The following SLC14A2 variants were observed in gnomAD, a reference collection of about 807,000 sequenced individuals.
The protein encoded by SLC14A2 is solute carrier family 14 member 2, also known as urea transporter 2.
Under a neutral mutation model 104.6 loss-of-function variants are expected in SLC14A2, and 91 were observed. The ratio of observed to expected loss-of-function variants is 0.87; its 90% CI spans 0.73 to 1.04. The LOEUF (loss-of-function observed/expected upper bound fraction) is 1.04, where lower values mean the gene tolerates loss of function less well. Among genes scored for constraint, SLC14A2 ranks in the 50% least tolerant of loss-of-function variants. The pLI is 0.00. For missense variants in SLC14A2, 1,189 were observed against 1,156.0 expected (o/e 1.03, Z -0.41); for synonymous variants, 476 against 466.4 (o/e 1.02, Z -0.27).
chr18:45,406,622 C>G (rs775767589), intron 1 of SLC14A2, among the ~76,000 whole-genome samples: 4 of 152,102 alleles, frequency 2.6e-5, no homozygotes, highest in Non-Finnish European at 4.4e-5. Context: ...ATAGCTTTAC[C>G]AAACATATTT....
At chr18:45,471,915 A>C (rs1490884746) in intron 1 of SLC14A2, among the ~76,000 whole-genome samples, 1 of 151,996 alleles carries the variant, frequency 6.6e-6, no homozygotes, top group Non-Finnish European at 1.5e-5. Context: ...TCTGGGGTAC[A>C]TGTGCAGAAT....
At chr18:45,369,911 G>A (rs1016359706) in intron 1 of SLC14A2, among the ~76,000 whole-genome samples, 3 of 152,162 alleles carry the variant, frequency 2.0e-5, no homozygotes, top group Non-Finnish European at 2.9e-5. Flanking sequence ...GTTTCCCAGG[G>A]AAGTTATAGG....
intron 1 of SLC14A2, among the ~76,000 whole-genome samples, chr18:45,434,398 A>C (rs959611387): frequency 6.6e-6 from 1 of 152,166 alleles, no homozygotes; most frequent in Non-Finnish European, 1.5e-5. Flanking sequence ...AAGCTGTAAG[A>C]CCTATTTTAT....
intron 1 of SLC14A2, among the ~76,000 whole-genome samples, chr18:45,421,749 A>G (rs909218545): frequency 6.6e-5 from 10 of 152,190 alleles, no homozygotes; most frequent in African/African-American, 1.9e-4. Context: ...AGGATGACCT[A>G]CACGACCTCT....
intron 2 of SLC14A2, among the ~76,000 whole-genome samples, chr18:45,520,918 G>A (rs1392112290): frequency 6.6e-6 from 1 of 152,196 alleles, no homozygotes; most frequent in Non-Finnish European, 1.5e-5. Flanking sequence ...GTCTGCACAG[G>A]TGACAGGGCC....
chr18:45,190,444 CTGAA>C, the SLC14A2 span, among the ~76,000 whole-genome samples: 1 of 152,126 alleles, frequency 6.6e-6, no homozygotes, highest in Non-Finnish European at 1.5e-5. Flanking sequence ...TCATCCTAGG[CTGAA>C]TGAAATAGAG....
chr18:45,417,185 A>G (rs1054305489), intron 1 of SLC14A2, among the ~76,000 whole-genome samples: 6 of 152,234 alleles, frequency 3.9e-5, no homozygotes, highest in African/African-American at 1.4e-4. Flanking sequence ...ACAAAATTCT[A>G]CTAGGGATAA....
At chr18:45,584,965 T>C (rs976176894) in intron 2 of SLC14A2, among the ~76,000 whole-genome samples, 3 of 152,202 alleles carry the variant, frequency 2.0e-5, no homozygotes, top group Non-Finnish European at 4.4e-5. Context: ...CCATCAAAAA[T>C]AGTCTGTGGG....
At chr18:45,349,130 T>C (rs2085477898) in intron 1 of SLC14A2, among the ~76,000 whole-genome samples, 1 of 152,226 alleles carries the variant, frequency 6.6e-6, no homozygotes, top group Non-Finnish European at 1.5e-5. Context: ...TTCGCTTTCT[T>C]GTTCATAAAG....
chr18:45,468,169 G>C (rs1211323306), intron 1 of SLC14A2, among the ~76,000 whole-genome samples: 2 of 152,048 alleles, frequency 1.3e-5, no homozygotes, highest in Non-Finnish European at 2.9e-5. Context: ...AATTTGAAAG[G>C]ATGCAGGAGG....
At chr18:45,600,903 G>C (rs1471005982) in intron 2 of SLC14A2, among the ~76,000 whole-genome samples, 1 of 152,232 alleles carries the variant, frequency 6.6e-6, no homozygotes, top group African/African-American at 2.4e-5. Context: ...AATTGCACTT[G>C]TTGCAGGTCC....
intron 1 of SLC14A2, among the ~76,000 whole-genome samples, chr18:45,223,568 A>G (rs932891450): frequency 1.3e-5 from 2 of 152,222 alleles, no homozygotes; most frequent in African/African-American, 2.4e-5. Context: ...GTTAGTTTTC[A>G]TGATGTGTGT....
chr18:45,326,849 T>A (rs750200316), intron 1 of SLC14A2, among the ~76,000 whole-genome samples: 40 of 152,168 alleles, frequency 2.6e-4, no homozygotes, highest in Non-Finnish European at 5.6e-4. Context: ...TAGACTGTAT[T>A]TTTTAGTCTA....
intron 1 of SLC14A2, among the ~76,000 whole-genome samples, chr18:45,399,203 G>A (rs1239385546): frequency 6.6e-6 from 1 of 152,186 alleles, no homozygotes; most frequent in African/African-American, 2.4e-5. Flanking sequence ...TTTGAACCCA[G>A]GCAGTCTGGC....
intron 2 of SLC14A2, chr18:45,528,224 A>G (rs935753185): frequency 6.6e-5 from 10 of 151,014 alleles, no homozygotes; most frequent in African/African-American, 2.0e-4. Context: ...TTTCAAAAAC[A>G]TATCAGAAAT....
the SLC14A2 span, among the ~76,000 whole-genome samples, chr18:45,201,215 A>T: frequency 1.3e-5 from 2 of 152,030 alleles, no homozygotes; most frequent in Admixed American, 1.3e-4. Context: ...TGTCTGAGGT[A>T]GTGTTAGTCA....
At chr18:45,605,840 C>T (rs2044858897) in intron 2 of SLC14A2, among the ~76,000 whole-genome samples, 1 of 152,116 alleles carries the variant, frequency 6.6e-6, no homozygotes, top group Non-Finnish European at 1.5e-5. Flanking sequence ...GAACAGCAGC[C>T]TGCAGTCTCC....
intron 1 of SLC14A2, among the ~76,000 whole-genome samples, chr18:45,319,199 C>A (rs2085161006): frequency 6.6e-6 from 1 of 152,170 alleles, no homozygotes; most frequent in Admixed American, 6.5e-5. Flanking sequence ...TGAGGCTCAG[C>A]TCGAAGACAG....
chr18:45,496,162 C>T (rs748920199), intron 2 of SLC14A2, among the ~76,000 whole-genome samples: 1 of 152,186 alleles, frequency 6.6e-6, no homozygotes, highest in African/African-American at 2.4e-5. Flanking sequence ...AAACTCAATT[C>T]TTAACATACT....
Sources: allele counts gnomAD v4.1 joint callset (sites outside exome capture counted in the v4.1 genomes callset), GRCh38; gene constraint gnomAD v4.1.1; transcripts MANE v1.5; gene names NCBI Gene and HGNC (gene_info 2026-07-23, HGNC 2026-07-21).